REV3L: variants seen among roughly 807,000 people sequenced by gnomAD.
REV3L encodes DNA polymerase zeta catalytic subunit.
A neutral mutation model predicts 299.4 loss-of-function variants in REV3L; 69 were observed. That is an observed-to-expected ratio of 0.23 (90% CI 0.19 to 0.28). The LOEUF is 0.28. Ranked by LOEUF, REV3L falls within the 10% of genes least tolerant of loss-of-function variation. REV3L has a pLI of 1.00. For synonymous variants in REV3L, 1,238 were observed against 1,271.4 expected, an observed-to-expected ratio of 0.97 and a Z score of 0.56; for missense variants, 3,128 against 3,693.8, an observed-to-expected ratio of 0.85 and a Z score of 3.97.
intron 4 of REV3L, among the ~76,000 whole-genome samples, chr6:111,396,832 G>T (rs1782560927): frequency 6.6e-6 from 1 of 152,062 alleles, no homozygotes; most frequent in South Asian, 2.1e-4. Context: ...GCCTGGCCAG[G>T]TTTCCTATTT....
chr6:111,407,560 A>G (rs1397944766), intron 3 of REV3L, among the ~76,000 whole-genome samples: 1 of 152,220 alleles, frequency 6.6e-6, no homozygotes, highest in Non-Finnish European at 1.5e-5. Flanking sequence ...CTAAAATTGG[A>G]TTTAGCAACA....
rs1445004502 is a variant in REV3L at position 111,376,358 on chromosome 6, A to G, written c.1997T>C (p.Ile666Thr). ...ESSIFDYEED[I>T]PSVTRQVPSR... is the part of the protein sequence containing the mutation. Reference sequence around the variant, plus strand: ...TGGTACTTGTCTTGTAACAGATGGAATATCTTCTTCATAATCAAAAATACT... The same window carrying G: ...TGGTACTTGTCTTGTAACAGATGGAGTATCTTCTTCATAATCAAAAATACT... The change falls in exon 13 of 32, where the codon ATT becomes ACT. Residue 666 changes from isoleucine to threonine, a missense_variant. Transcript: ENST00000368802. 6.2e-7 allele frequency: 1 copy of G among 1,612,580 alleles called. No individual in the cohort carries two copies. The highest frequency in any genetic ancestry group is 8.5e-7 in the Non-Finnish European group (1 of 1,179,576).
intron 31 of REV3L, among the ~76,000 whole-genome samples, chr6:111,301,921 A>G (rs867975844): frequency 7.9e-5 from 12 of 152,246 alleles, no homozygotes; most frequent in Admixed American, 1.3e-4. Context: ...TCACCTGAAT[A>G]GTGTAGACAA....
At chr6:111,314,115 TCTTATG>T (rs1452211552) in intron 27 of REV3L, among the ~76,000 whole-genome samples, 1 of 152,230 alleles carries the variant, frequency 6.6e-6, no homozygotes, top group Non-Finnish European at 1.5e-5. Flanking sequence ...CAGGACTGTG[TCTTATG>T]CTTCTTCGTA....
intron 1 of REV3L, among the ~76,000 whole-genome samples, chr6:111,421,798 G>A (rs1297806183): frequency 2.0e-5 from 3 of 152,070 alleles, no homozygotes; most frequent in Non-Finnish European, 4.4e-5. Context: ...CTTGGTATGT[G>A]AGCAAGAACA....
At chr6:111,338,895 T>C (rs1019986718) in intron 21 of REV3L, among the ~76,000 whole-genome samples, 2 of 152,096 alleles carry the variant, frequency 1.3e-5, no homozygotes, top group East Asian at 1.9e-4. Context: ...TTTTCACATA[T>C]TGGTTGACAG....
intron 4 of REV3L, among the ~76,000 whole-genome samples, chr6:111,394,463 C>T (rs185151414): frequency 2.0e-5 from 3 of 151,794 alleles, no homozygotes; most frequent in Non-Finnish European, 4.4e-5. Flanking sequence ...TATTCAGATA[C>T]GAAACTATTT....
At chr6:111,352,475 G>A (rs1163688790) in intron 18 of REV3L, among the ~76,000 whole-genome samples, 1 of 152,004 alleles carries the variant, frequency 6.6e-6, no homozygotes, top group East Asian at 1.9e-4. Context: ...GGGTGTGTGT[G>A]GGTATGGTAT....
chr6:111,316,484 C>A, intron 26 of REV3L, among the ~76,000 whole-genome samples: 1 of 151,418 alleles, frequency 6.6e-6, no homozygotes, highest in East Asian at 2.0e-4. Flanking sequence ...GCCAACATGG[C>A]AAAATCCCGT....
intron 9 of REV3L, 73 bp from the exon 10 acceptor site, chr6:111,381,517 A>G: frequency 7.5e-6 from 10 of 1,342,130 alleles, no homozygotes; most frequent in Non-Finnish European, 1.0e-5. Context: ...GAATTTGTGT[A>G]AATTTGGAAG....
chr6:111,425,266 G>A (rs902366379), intron 1 of REV3L, among the ~76,000 whole-genome samples: 4 of 152,090 alleles, frequency 2.6e-5, no homozygotes, highest in African/African-American at 9.7e-5. Flanking sequence ...AGACCATCCT[G>A]GCGAACATGG....
chr6:111,372,817 A>G lies in REV3L; in HGVS notation c.5538T>C (p.Asp1846=), dbSNP rs1779934892. The change falls in exon 13 of 32, where the codon GAT becomes GAC. Residue 1846 remains aspartate (D), a synonymous_variant. Coordinates refer to ENST00000368802, the MANE Select transcript of REV3L (RefSeq NM_001372078.1). ...DLELYVSRNN[D]MLTPTPDSSP... is the part of the protein sequence containing the mutation. The stretch of plus-strand genomic sequence containing the variant: ...AACTATCAGGAGTTGGTGTCAACAT[A>G]TCATTGTTTCTTGAAACATACAGTT... The G allele has an allele frequency of 6.2e-7, 1 of 1,613,856 alleles. No homozygotes were observed. The highest frequency in any genetic ancestry group is 8.5e-7 in the Non-Finnish European group (1 of 1,179,866).
At chr6:111,332,465 G>A (rs1054100937) in intron 23 of REV3L, among the ~76,000 whole-genome samples, 3 of 152,088 alleles carry the variant, frequency 2.0e-5, no homozygotes, top group African/African-American at 7.2e-5. Flanking sequence ...TAGAAATACT[G>A]TAAATCTTGT....
intron 4 of REV3L, among the ~76,000 whole-genome samples, chr6:111,399,041 A>C (rs1251783684): frequency 1.3e-5 from 2 of 152,194 alleles, no homozygotes; most frequent in Admixed American, 6.5e-5. Context: ...AACCCTTCTG[A>C]GTACCATTCC....
At chr6:111,479,026 T>A (rs1285585882) in intron 1 of REV3L, among the ~76,000 whole-genome samples, 1 of 152,198 alleles carries the variant, frequency 6.6e-6, no homozygotes, top group Non-Finnish European at 1.5e-5. Context: ...GTGAGAGCTG[T>A]CTAAACTCAG....
intron 3 of REV3L, among the ~76,000 whole-genome samples, chr6:111,407,347 A>C (rs1582873595): frequency 6.6e-6 from 1 of 152,364 alleles, no homozygotes; most frequent in East Asian, 1.9e-4. Context: ...AGGGAACAGA[A>C]AATATACAGA....
At chr6:111,300,247 T>A in intron 31 of REV3L, 91 bp from the exon 32 acceptor site, 1 of 960,734 alleles carries the variant, frequency 1.0e-6, no homozygotes, top group East Asian at 2.8e-5. Context: ...CTTTCTAGAC[T>A]ACCACAGATT....
chr6:111,302,353 T>C (rs1486972018), intron 31 of REV3L, among the ~76,000 whole-genome samples: 1 of 152,190 alleles, frequency 6.6e-6, no homozygotes, highest in Non-Finnish European at 1.5e-5. Context: ...CTGATAAATA[T>C]TTAAGCTCTT....
At chr6:111,455,713 A>G (rs1026673700) in intron 1 of REV3L, among the ~76,000 whole-genome samples, 12 of 152,256 alleles carry the variant, frequency 7.9e-5, no homozygotes, top group African/African-American at 2.9e-4. Flanking sequence ...GTTTATGATT[A>G]AATAAAAAGA....
Sources: gnomAD v4.1 joint callset for allele counts (sites outside exome capture counted in the v4.1 genomes callset) on GRCh38, gnomAD v4.1.1 for gene constraint, MANE v1.5 for transcripts, NCBI Gene and HGNC (gene_info 2026-07-23, HGNC 2026-07-21) for gene names.